CFAP96: variants seen among roughly 807,000 people sequenced by gnomAD.
CFAP96 encodes cilia and flagella associated protein 96.
At chr4:185,447,869 T>G in the CFAP96 span, among the ~76,000 whole-genome samples, 1 of 152,214 alleles carries the variant, frequency 6.6e-6, no homozygotes, top group Non-Finnish European at 1.5e-5. Context: ...AAATCACTAA[T>G]GTATGAGATG....
the CFAP96 span, chr4:185,426,452 A>G: frequency 1.3e-5 from 2 of 152,808 alleles, no homozygotes; most frequent in African/African-American, 4.8e-5. Flanking sequence ...GCCACCTCCC[A>G]GCCTCCGTTT....
the CFAP96 span, among the ~76,000 whole-genome samples, chr4:185,447,593 T>A: frequency 6.6e-6 from 1 of 152,240 alleles, no homozygotes; most frequent in East Asian, 1.9e-4. Flanking sequence ...TAGCGTTAAC[T>A]ACAGAATGCT....
the CFAP96 span, among the ~76,000 whole-genome samples, chr4:185,435,163 C>G: frequency 6.6e-6 from 1 of 152,322 alleles, no homozygotes; most frequent in African/African-American, 2.4e-5. Context: ...TATCCCTGCT[C>G]TATTTCCTTG....
the CFAP96 span, chr4:185,418,805 A>G: frequency 6.6e-7 from 1 of 1,520,932 alleles, no homozygotes; most frequent in Non-Finnish European, 8.8e-7. Context: ...AGTTAAGAAA[A>G]ACAAATTTTT....
the CFAP96 span, among the ~76,000 whole-genome samples, chr4:185,446,030 G>A: frequency 5.1e-4 from 78 of 152,008 alleles, no homozygotes; most frequent in African/African-American, 1.5e-3. Flanking sequence ...TAGTAGAGAC[G>A]GAGTTTCTCC....
chr4:185,425,763 C>T, the CFAP96 span: 1 of 1,524,688 alleles, frequency 6.6e-7, no homozygotes. Flanking sequence ...CCATCTTGGA[C>T]CCCGGCAGGA....
At chr4:185,439,743 T>G in the CFAP96 span, among the ~76,000 whole-genome samples, 1 of 149,282 alleles carries the variant, frequency 6.7e-6, no homozygotes, top group African/African-American at 2.4e-5. Context: ...ATATATAATA[T>G]ATACATATCT....
chr4:185,440,509 G>A, the CFAP96 span: 1 of 1,370,212 alleles, frequency 7.3e-7, no homozygotes. Context: ...TGAAATTTGT[G>A]CTATGTAATT....
the CFAP96 span, among the ~76,000 whole-genome samples, chr4:185,441,949 A>C: frequency 6.6e-6 from 1 of 152,158 alleles, no homozygotes; most frequent in Non-Finnish European, 1.5e-5. Context: ...TGATTTTTAA[A>C]AAATCAAGCT....
At chr4:185,448,821 T>G in the CFAP96 span, among the ~76,000 whole-genome samples, 1 of 152,154 alleles carries the variant, frequency 6.6e-6, no homozygotes, top group Non-Finnish European at 1.5e-5. Flanking sequence ...TGTGTCCTCT[T>G]CTATCCAGAG....
At chr4:185,425,713 G>A in the CFAP96 span, among the ~76,000 whole-genome samples, 2 of 152,170 alleles carry the variant, frequency 1.3e-5, no homozygotes, top group Non-Finnish European at 2.9e-5. Flanking sequence ...GCGGAGACAG[G>A]CGAACTGGAG....
At chr4:185,432,307 G>A in the CFAP96 span, 1 of 860,120 alleles carries the variant, frequency 1.2e-6, no homozygotes, top group Non-Finnish European at 1.8e-6. Context: ...GAATTTTTAA[G>A]TATTATTCTT....
chr4:185,425,850 G>A, the CFAP96 span: 24 of 1,603,662 alleles, frequency 1.5e-5, no homozygotes, highest in Middle Eastern at 1.6e-4. Flanking sequence ...GGTCGGTGAC[G>A]AGCAGAGATA....
chr4:185,434,489 A>G, the CFAP96 span, among the ~76,000 whole-genome samples: 1 of 152,114 alleles, frequency 6.6e-6, no homozygotes. Flanking sequence ...TCATGTGGTA[A>G]TAATTGGAAA....
chr4:185,436,716 A>AATAATAATAATG, the CFAP96 span, among the ~76,000 whole-genome samples: 1 of 129,522 alleles, frequency 7.7e-6, no homozygotes, highest in South Asian at 2.4e-4. Flanking sequence ...TCTCAAAAAT[A>AATAATAATAATG]ATAATAATAA....
chr4:185,421,765 T>C, the CFAP96 span, among the ~76,000 whole-genome samples: 5 of 152,372 alleles, frequency 3.3e-5, no homozygotes, highest in South Asian at 6.2e-4. Context: ...TGAACGGCTC[T>C]GTGGCTTCTG....
At chr4:185,410,199 TAACA>T in the CFAP96 span, among the ~76,000 whole-genome samples, 1 of 151,608 alleles carries the variant, frequency 6.6e-6, no homozygotes, top group Non-Finnish European at 1.5e-5. Flanking sequence ...ATTTGGACAT[TAACA>T]AACACTTCTA....
chr4:185,413,870 C>G, the CFAP96 span: 18 of 1,590,156 alleles, frequency 1.1e-5, no homozygotes, highest in East Asian at 4.1e-4. Flanking sequence ...GATCATGTAA[C>G]TCCTAAAATA....
chr4:185,426,133 C>G, the CFAP96 span: 1 of 546,360 alleles, frequency 1.8e-6, no homozygotes, highest in Non-Finnish European at 3.3e-6. Flanking sequence ...ACACATCCTT[C>G]TGTGTGTTCT....
Sources: allele counts gnomAD v4.1 joint callset (sites outside exome capture counted in the v4.1 genomes callset), GRCh38; gene constraint gnomAD v4.1.1; transcripts MANE v1.5; gene names NCBI Gene and HGNC (gene_info 2026-07-23, HGNC 2026-07-21).